NAALADL2: variants seen among roughly 807,000 people sequenced by gnomAD.
NAALADL2 encodes the protein N-acetylated alpha-linked acidic dipeptidase like 2.
NAALADL2 carries 76 observed loss-of-function variants against 87.2 expected under a neutral mutation model. That is an observed-to-expected ratio of 0.87 (90% CI 0.72 to 1.05). The LOEUF is 1.05. NAALADL2 is among the 50% of genes least tolerant of loss of function. The pLI is 0.00. For synonymous variants in NAALADL2, 354 were observed against 331.0 expected, an observed-to-expected ratio of 1.07 and a Z score of -0.75; for missense variants, 1,089 against 945.8, an observed-to-expected ratio of 1.15 and a Z score of -1.99.
intron 1 of NAALADL2, among the ~76,000 whole-genome samples, chr3:174,470,028 T>C (rs1716801957): frequency 6.6e-6 from 1 of 152,308 alleles, no homozygotes; most frequent in Admixed American, 6.5e-5. Flanking sequence ...AAAAATTAAA[T>C]TTTTTAAAAG....
At chr3:175,497,886 A>C (rs558258546) in intron 9 of NAALADL2, among the ~76,000 whole-genome samples, 2 of 152,252 alleles carry the variant, frequency 1.3e-5, no homozygotes, top group South Asian at 4.1e-4. Context: ...TTTGTTATCA[A>C]ATGCAATATT....
At chr3:175,588,011 A>T (rs1720787999) in intron 10 of NAALADL2, among the ~76,000 whole-genome samples, 1 of 152,020 alleles carries the variant, frequency 6.6e-6, no homozygotes, top group Non-Finnish European at 1.5e-5. Context: ...AACTCAGGGT[A>T]ACTAGAACTT....
chr3:175,662,429 T>C (rs1039557784), intron 11 of NAALADL2, among the ~76,000 whole-genome samples: 15 of 152,000 alleles, frequency 9.9e-5, no homozygotes, highest in African/African-American at 3.6e-4. Flanking sequence ...TCATGGCACC[T>C]TCAAACAAGG....
chr3:175,008,553 A>G (rs545075451), intron 1 of NAALADL2, among the ~76,000 whole-genome samples: 1 of 152,246 alleles, frequency 6.6e-6, no homozygotes, highest in Admixed American at 6.5e-5. Flanking sequence ...CAACTTTGGG[A>G]CCAGTAATTC....
intron 11 of NAALADL2, among the ~76,000 whole-genome samples, chr3:175,705,189 A>C (rs1217631235): frequency 1.3e-5 from 2 of 152,110 alleles, no homozygotes; most frequent in Non-Finnish European, 2.9e-5. Context: ...TCAACCTTCC[A>C]GCTGTAGGGT....
intron 5 of NAALADL2, among the ~76,000 whole-genome samples, chr3:175,366,225 A>G (rs1765547362): frequency 6.7e-6 from 1 of 148,710 alleles, no homozygotes; most frequent in African/African-American, 2.5e-5. Context: ...TCCATGGTGT[A>G]TATGTGCCAC....
chr3:174,537,728 A>G (rs1448653423), intron 1 of NAALADL2, among the ~76,000 whole-genome samples: 1 of 152,168 alleles, frequency 6.6e-6, no homozygotes, highest in East Asian at 1.9e-4. Context: ...AATTTTGCAG[A>G]AAGGGACAGA....
chr3:174,728,124 G>A (rs1365846963), intron 2 of NAALADL2, among the ~76,000 whole-genome samples: 2 of 151,926 alleles, frequency 1.3e-5, no homozygotes, highest in Admixed American at 6.6e-5. Flanking sequence ...TTCACCTCTA[G>A]GACATCTTGG....
At chr3:175,169,223 G>GT (rs761280289) in intron 2 of NAALADL2, among the ~76,000 whole-genome samples, 2 of 151,514 alleles carry the variant, frequency 1.3e-5, no homozygotes, top group African/African-American at 4.8e-5. Context: ...TCTTTTTGTG[G>GT]TTTTTGTCAT....
chr3:175,622,559 A>G (rs908859734), intron 10 of NAALADL2, among the ~76,000 whole-genome samples: 2 of 152,100 alleles, frequency 1.3e-5, no homozygotes, highest in Non-Finnish European at 2.9e-5. Context: ...AGTAAGTAGC[A>G]GTAGATTGAC....
At chr3:175,513,643 G>T (rs557100156) in intron 9 of NAALADL2, among the ~76,000 whole-genome samples, 2 of 152,262 alleles carry the variant, frequency 1.3e-5, no homozygotes, top group African/African-American at 4.8e-5. Context: ...GTACATAAAA[G>T]ATCTTTTATT....
At chr3:175,722,865 T>C (rs58763519) in intron 11 of NAALADL2, among the ~76,000 whole-genome samples, 396 of 152,290 alleles carry the variant, frequency 2.6e-3, no homozygotes, top group African/African-American at 9.1e-3. Context: ...CTATATAGCC[T>C]CTTTATCAGA....
intron 11 of NAALADL2, among the ~76,000 whole-genome samples, chr3:175,703,426 A>G (rs1739250094): frequency 6.6e-6 from 1 of 152,122 alleles, no homozygotes; most frequent in Non-Finnish European, 1.5e-5. Flanking sequence ...TGTTTTCGTT[A>G]AGTACCTTCG....
chr3:175,502,856 A>T (rs1207662576), intron 9 of NAALADL2, among the ~76,000 whole-genome samples: 5 of 152,004 alleles, frequency 3.3e-5, no homozygotes, highest in African/African-American at 1.2e-4. Context: ...ACCCATACAG[A>T]AGTTAGATAT....
At chr3:174,564,865 T>C (rs1390177888) in intron 2 of NAALADL2, among the ~76,000 whole-genome samples, 1 of 152,068 alleles carries the variant, frequency 6.6e-6, no homozygotes, top group Non-Finnish European at 1.5e-5. Context: ...CTCTACAGAC[T>C]TTCAAAAGTG....
intron 2 of NAALADL2, among the ~76,000 whole-genome samples, chr3:175,153,517 G>A (rs975107332): frequency 2.0e-5 from 3 of 152,266 alleles, no homozygotes; most frequent in South Asian, 2.1e-4. Context: ...GTCCCTTTCT[G>A]CTGTAGGGAC....
chr3:174,827,521 T>C (rs1316269273), intron 3 of NAALADL2, among the ~76,000 whole-genome samples: 1 of 152,236 alleles, frequency 6.6e-6, no homozygotes, highest in Non-Finnish European at 1.5e-5. Context: ...CTGTTCATCT[T>C]GTACTCTTAG....
chr3:175,666,938 A>G (rs1733081048), intron 11 of NAALADL2, among the ~76,000 whole-genome samples: 1 of 152,032 alleles, frequency 6.6e-6, no homozygotes, highest in Non-Finnish European at 1.5e-5. Context: ...TCTTCCTGGG[A>G]TAGACCTCTG....
chr3:175,034,946 T>G (rs2108933753), intron 1 of NAALADL2, among the ~76,000 whole-genome samples: 1 of 152,312 alleles, frequency 6.6e-6, no homozygotes, highest in South Asian at 2.1e-4. Context: ...ATAACCTCAT[T>G]GAGTGTTTTG....
Sources: allele counts gnomAD v4.1 joint callset (sites outside exome capture counted in the v4.1 genomes callset), GRCh38; gene constraint gnomAD v4.1.1; transcripts MANE v1.5; gene names NCBI Gene and HGNC (gene_info 2026-07-23, HGNC 2026-07-21).